SHC4: variants seen among roughly 807,000 people sequenced by gnomAD.
SHC4 encodes the protein SHC-transforming protein 4.
A neutral mutation model predicts 69.4 loss-of-function variants in SHC4; 41 were observed. The ratio of observed to expected loss-of-function variants is 0.59; its 90% CI spans 0.46 to 0.77. The LOEUF is 0.77. Ranked by LOEUF, SHC4 falls within the 30% of genes least tolerant of loss-of-function variation. The pLI, the probability that SHC4 is intolerant of heterozygous loss-of-function variation, is 0.00. For synonymous variants in SHC4, 318 were observed against 299.3 expected (o/e 1.06, Z -0.64); for missense variants, 777 against 783.8 (o/e 0.99, Z 0.10).
intron 1 of SHC4, among the ~76,000 whole-genome samples, chr15:48,939,904 A>T (rs1901143412): frequency 6.6e-6 from 1 of 152,252 alleles, no homozygotes; most frequent in Non-Finnish European, 1.5e-5. Flanking sequence ...ATAGCTGTGC[A>T]GACAAAGCTA....
At chr15:48,952,228 T>C (rs1389720995) in intron 1 of SHC4, among the ~76,000 whole-genome samples, 1 of 152,194 alleles carries the variant, frequency 6.6e-6, no homozygotes, top group Non-Finnish European at 1.5e-5. Flanking sequence ...TAATAAATTA[T>C]TTGCTGATGA....
chr15:48,942,634 A>G (rs1480671949), intron 1 of SHC4, among the ~76,000 whole-genome samples: 1 of 152,156 alleles, frequency 6.6e-6, no homozygotes, highest in African/African-American at 2.4e-5. Flanking sequence ...AGGTCTCATG[A>G]TAATCAATTA....
chr15:48,943,435 CT>C (rs1304770858), intron 1 of SHC4, among the ~76,000 whole-genome samples: 1 of 152,160 alleles, frequency 6.6e-6, no homozygotes, highest in Middle Eastern at 3.4e-3. Flanking sequence ...ACAAGATTAC[CT>C]TCTTTTTTAA....
chr15:48,932,368 C>T (rs1900981531), intron 1 of SHC4, among the ~76,000 whole-genome samples: 1 of 152,146 alleles, frequency 6.6e-6, no homozygotes, highest in South Asian at 2.1e-4. Context: ...GCAATCAGGT[C>T]CTTCTACTAC....
intron 2 of SHC4, among the ~76,000 whole-genome samples, chr15:48,909,090 T>C (rs1900461812): frequency 6.6e-6 from 1 of 152,250 alleles, no homozygotes. Context: ...TGAAGAATGA[T>C]GGTGGTATTT....
chr15:48,881,096 A>C (rs4775782), intron 4 of SHC4, among the ~76,000 whole-genome samples: 150,808 of 151,796 alleles, frequency 0.99, 74,922 homozygotes, highest in Middle Eastern at 1. Flanking sequence ...TTTAAAGAAG[A>C]TTTTGAGTAC....
chr15:48,897,058 C>T (rs1004564296), intron 2 of SHC4, among the ~76,000 whole-genome samples: 5 of 152,222 alleles, frequency 3.3e-5, no homozygotes, highest in Non-Finnish European at 7.3e-5. Flanking sequence ...CAGCTGCGCT[C>T]CTGCAGAACC....
chr15:48,881,790 A>G (rs1056314764), intron 4 of SHC4, among the ~76,000 whole-genome samples: 4 of 152,186 alleles, frequency 2.6e-5, no homozygotes, highest in African/African-American at 7.2e-5. Context: ...CCTATAACTT[A>G]CCCTTGCAAA....
chr15:48,835,129 C>T, intron 10 of SHC4, 107 bp from the exon 11 acceptor site: 1 of 1,375,600 alleles, frequency 7.3e-7, no homozygotes. Flanking sequence ...TGTGTGCCAG[C>T]CATTGTTTAA....
Position 48,962,577 on chromosome 15 carries a change from G to A in SHC4, c.439C>T (p.Gln147Ter). 2 of 1,612,572 alleles carry A rather than the reference G, an allele frequency of 1.2e-6. No individual in the cohort carries two copies. Residue 147 changes from glutamine to a stop codon, truncating the protein, a stop_gained, in exon 1 of 12, where the codon CAG becomes TAG. Transcript: ENST00000332408. LOFTEE classifies it high-confidence loss of function. ...GCCCTGTGTCCCACCAGGTCCTGCT[G>A]CGGTGGAGGTGCAGTCCCGGACCTA... ...LSRSGTAPPP[Q>*]QDLVGHRATA...
chr15:48,893,374 C>A (rs1369728692), intron 2 of SHC4, among the ~76,000 whole-genome samples: 1 of 152,076 alleles, frequency 6.6e-6, no homozygotes. Context: ...TGTGAAGTGC[C>A]AGACGGTAAA....
Position 48,925,739 on chromosome 15 carries a change from T to A in SHC4, c.586-790A>T, listed in dbSNP as rs189734612. Among the ~76,000 whole-genome samples the A allele has an allele frequency of 1.7e-3, 258 of 152,234 alleles. 1 individual carries two copies. The highest frequency in any genetic ancestry group is 6.1e-3 in the African/African-American group (252 of 41,528). On this transcript the variant is annotated intron_variant, in intron 1 of 11. Transcript: ENST00000332408. ...AGGCGTGATGCGATTAGATCTGTGT[T>A]GGAGGAGGCTTAAGTCAGCGGCAGT...
intron 2 of SHC4, among the ~76,000 whole-genome samples, chr15:48,896,286 C>T (rs1313123497): frequency 7.3e-6 from 1 of 137,588 alleles, no homozygotes; most frequent in East Asian, 2.5e-4. Flanking sequence ...CTCTCTCTCT[C>T]TCTCCCTCCC....
chr15:48,937,217 G>A (rs923930384), intron 1 of SHC4, among the ~76,000 whole-genome samples: 2 of 152,128 alleles, frequency 1.3e-5, no homozygotes, highest in African/African-American at 2.4e-5. Context: ...GAATAGGTAG[G>A]TGATCTCCTT....
intron 2 of SHC4, among the ~76,000 whole-genome samples, chr15:48,917,287 GTGTGTC>G (rs1237199012): frequency 1.4e-5 from 2 of 141,942 alleles, no homozygotes; most frequent in Non-Finnish European, 3.1e-5. Flanking sequence ...GTGTGTGTGT[GTGTGTC>G]AGATTCCTGA....
At chr15:48,883,949 A>G (rs140771630) in intron 4 of SHC4, among the ~76,000 whole-genome samples, 4 of 152,352 alleles carry the variant, frequency 2.6e-5, no homozygotes, top group Non-Finnish European at 4.4e-5. Flanking sequence ...TGGTGGAGAC[A>G]TCAATGACCA....
intron 11 of SHC4, among the ~76,000 whole-genome samples, chr15:48,826,775 C>T (rs957261644): frequency 3.9e-5 from 6 of 152,158 alleles, no homozygotes; most frequent in African/African-American, 1.4e-4. Context: ...TCCATATCAC[C>T]TTGTCTCTGT....
chr15:48,865,090 T>C (rs1899533334), intron 6 of SHC4, among the ~76,000 whole-genome samples: 1 of 152,246 alleles, frequency 6.6e-6, no homozygotes, highest in Admixed American at 6.5e-5. Flanking sequence ...CACTGTTCTC[T>C]AGGCATCCCT....
intron 1 of SHC4, among the ~76,000 whole-genome samples, chr15:48,948,475 C>T (rs1450703522): frequency 3.3e-5 from 5 of 152,198 alleles, no homozygotes; most frequent in Admixed American, 1.3e-4. Context: ...ACCAATATGT[C>T]CACACTTTCG....
Sources: allele counts gnomAD v4.1 joint callset (sites outside exome capture counted in the v4.1 genomes callset), GRCh38; gene constraint gnomAD v4.1.1; transcripts MANE v1.5; gene names NCBI Gene and HGNC (gene_info 2026-07-23, HGNC 2026-07-21).